The following TMEM63A variants were observed in gnomAD, a reference collection of about 807,000 sequenced individuals.
TMEM63A encodes transmembrane protein 63A, also known as mechanosensitive cation channel TMEM63A.
TMEM63A carries 76 observed loss-of-function variants against 100.6 expected under a neutral mutation model. That is an observed-to-expected ratio of 0.76 (90% CI 0.63 to 0.91). The LOEUF (loss-of-function observed/expected upper bound fraction) is 0.91, where lower values mean the gene tolerates loss of function less well. Ranked by LOEUF, TMEM63A falls within the 40% of genes least tolerant of loss-of-function variation. The probability of loss-of-function intolerance (pLI) is 0.00; values close to 1 mark genes in which losing one functional copy is unlikely to be tolerated. For synonymous variants in TMEM63A, 401 were observed against 401.1 expected, an observed-to-expected ratio of 1.00 and a Z score of 0.00; for missense variants, 876 against 1,008.8, an observed-to-expected ratio of 0.87 and a Z score of 1.78.
intron 9 of TMEM63A, 47 bp downstream of exon 9, chr1:225,866,527 C>T (rs755457394): frequency 6.4e-7 from 1 of 1,569,516 alleles, no homozygotes; most frequent in East Asian, 2.3e-5. Flanking sequence ...CTCCGACTCC[C>T]ACCTGAGTCC....
chr1:225,870,659 GTTAAATA>G (rs1670467770), intron 6 of TMEM63A, among the ~76,000 whole-genome samples: 1 of 152,204 alleles, frequency 6.6e-6, no homozygotes, highest in Admixed American at 6.5e-5. Flanking sequence ...TCTAATTGGT[GTTAAATA>G]TTAAGTTGAA....
chr1:225,856,928 C>CA lies in TMEM63A; in HGVS notation c.1466dup (p.Glu490GlyfsTer45), dbSNP rs1669652496. ...GCACTCACTTGGTCCAGTGAGACTCCAGCAGTGTAGAGTAGTAGACAATGG... is the reference window on the plus strand; with the variant it reads ...GCACTCACTTGGTCCAGTGAGACTCCAAGCAGTGTAGAGTAGTAGACAATGG... On this transcript the variant is annotated frameshift_variant, in exon 16 of 25. Coordinates refer to ENST00000366835, the MANE Select transcript of TMEM63A (RefSeq NM_014698.3). LOFTEE classifies it high-confidence loss of function. The CA allele has an allele frequency of 1.9e-6, 3 of 1,610,542 alleles. No individual in the cohort carries two copies. In the East Asian group the frequency reaches 6.7e-5, roughly 36 times the overall value.
chr1:225,879,517 T>C (rs1015426058), intron 1 of TMEM63A, 107 bp from the exon 2 acceptor site: 1 of 152,528 alleles, frequency 6.6e-6, no homozygotes, highest in Non-Finnish European at 1.5e-5. Context: ...GCTGCCCATA[T>C]GGACCTTTAG....
At position 225,866,605 on chromosome 1, in the gene TMEM63A, G is replaced by A. The variant is rs1385917532; in HGVS notation, c.644C>T (p.Thr215Ile). 6.2e-7 allele frequency: 1 copy of A among 1,613,980 alleles called. No homozygotes were observed. Among genetic ancestry groups the A allele is most frequent in the African/African-American group, 1.3e-5 (1 of 74,926 alleles). Residue 215 changes from threonine (T) to isoleucine (I), a missense_variant, in exon 9 of 25, where the codon ACT becomes ATT. By Grantham distance (89) the Thr-to-Ile change is moderately conservative. Coordinates refer to ENST00000366835, the MANE Select transcript of TMEM63A (RefSeq NM_014698.3). ...CTCCTCTTTGTACTTAATGGACTGAGTGTGGTGCCGCATGAAACCCACAGT... is the reference window on the plus strand; with the variant it reads ...CTCCTCTTTGTACTTAATGGACTGAATGTGGTGCCGCATGAAACCCACAGT... ...FLTVGFMRHH[T>I]QSIKYKEENL...
In TMEM63A at chr1:225,852,668, T is replaced by C. The variant is rs1669407782; in HGVS notation, c.1899A>G (p.Pro633=). The C allele has an allele frequency of 2.5e-6, 4 of 1,612,742 alleles. No individual in the cohort carries two copies. The Admixed American group carries it at 6.7e-5, about 27-fold the overall frequency. The change falls in exon 20 of 25, where the codon CCA becomes CCG. Residue 633 remains proline (P), a synonymous_variant. Coordinates refer to ENST00000366835, the MANE Select transcript of TMEM63A (RefSeq NM_014698.3). Reference sequence around the variant, plus strand: ...ACAGGCTCCAGGGCCACTCACCAAATGGCGCGATGATGGGACAAGTGATGC... The same window carrying C: ...ACAGGCTCCAGGGCCACTCACCAAACGGCGCGATGATGGGACAAGTGATGC... ...AYSITCPIIA[P]FGLIYILLKH... is the part of the protein sequence containing the mutation.
intron 18 of TMEM63A, among the ~76,000 whole-genome samples, chr1:225,854,416 G>A (rs1370619803): frequency 1.3e-5 from 2 of 152,120 alleles, no homozygotes; most frequent in Non-Finnish European, 2.9e-5. Context: ...TGTGATGGAG[G>A]TGGTGAGATA....
chr1:225,861,462 C>T (rs1669931231), intron 13 of TMEM63A: 1 of 153,782 alleles, frequency 6.5e-6, no homozygotes, highest in African/African-American at 2.4e-5. Context: ...CAACAGGTCA[C>T]AGCTTTTCCT....
intron 20 of TMEM63A, 90 bp from the exon 21 acceptor site, chr1:225,850,169 G>A: frequency 6.7e-7 from 1 of 1,495,722 alleles, no homozygotes; most frequent in South Asian, 1.3e-5. Context: ...ATTTTGGCAA[G>A]GAGCCAGGGC....
At chr1:225,852,132 C>T (rs577288680) in intron 20 of TMEM63A, among the ~76,000 whole-genome samples, 171 of 152,348 alleles carry the variant, frequency 1.1e-3, no homozygotes, top group Middle Eastern at 0.01. Context: ...GGGCAGAGAA[C>T]CTCAGACCAG....
At position 225,862,702 on chromosome 1, in the gene TMEM63A, T is replaced by C; in HGVS notation, c.827+69A>G. The C allele has an allele frequency of 6.2e-7, 1 of 1,610,508 alleles. No individual in the cohort carries two copies. The highest frequency in any genetic ancestry group is 8.5e-7 in the Non-Finnish European group (1 of 1,177,788). ...AGGGGTCCAGGGCCTCCCGCCTCCC[T>C]TCCTAGCTGGGAGATGCGAGGCCAG... On this transcript the variant is annotated intron_variant, in intron 11 of 24. Transcript: ENST00000366835. This position sits in a 1 kb window ranked among gnomAD's most constrained non-coding sequence, Gnocchi z 5.1.
intron 20 of TMEM63A, among the ~76,000 whole-genome samples, chr1:225,851,578 C>T (rs913258335): frequency 6.6e-6 from 1 of 152,086 alleles, no homozygotes. Context: ...TCATATTGGC[C>T]AGGTTGTTCT....
intron 17 of TMEM63A, 124 bp downstream of exon 17, chr1:225,856,528 G>A (rs1669624939): frequency 4.5e-6 from 4 of 884,618 alleles, no homozygotes; most frequent in African/African-American, 1.7e-5. Flanking sequence ...CCGAGTGGTT[G>A]CGACAGGCTT....
intron 14 of TMEM63A, chr1:225,859,887 T>C (rs570203378): frequency 5.0e-5 from 8 of 159,306 alleles, no homozygotes; most frequent in African/African-American, 1.9e-4. Context: ...GCTCAGGCAA[T>C]CCGCCTGCCT....
At chr1:225,844,410 G>A, downstream of TMEM63A, 2 of 1,605,014 alleles carry the variant, frequency 1.2e-6, no homozygotes, top group Admixed American at 1.7e-5. Context: ...CATGGGCAGG[G>A]CCTGGCATTT....
At chr1:225,843,414 CTCAT>C (rs1426336606), downstream of TMEM63A, among the ~76,000 whole-genome samples, 2 of 152,216 alleles carry the variant, frequency 1.3e-5, no homozygotes, top group African/African-American at 4.8e-5. Flanking sequence ...CAAAAGCAAA[CTCAT>C]TCCTGCAGGC....
intron 17 of TMEM63A, 117 bp from the exon 18 acceptor site, chr1:225,856,057 C>A: frequency 9.9e-7 from 1 of 1,009,660 alleles, no homozygotes; most frequent in Non-Finnish European, 1.5e-6. Flanking sequence ...GACTTTTGTT[C>A]TCAACGATGC....
intron 1 of TMEM63A, among the ~76,000 whole-genome samples, chr1:225,880,011 G>A (rs1044661383): frequency 6.6e-6 from 1 of 152,184 alleles, no homozygotes; most frequent in African/African-American, 2.4e-5. Flanking sequence ...CCTCTGCGGA[G>A]GGAAACACCT....
intron 5 of TMEM63A, chr1:225,871,758 A>C (rs145408553): frequency 1.4e-4 from 77 of 535,406 alleles, no homozygotes; most frequent in African/African-American, 1.3e-3. Flanking sequence ...GGGGAAGCCC[A>C]AGGGATTCCG....
chr1:225,844,517 C>T, downstream of TMEM63A: 1 of 1,614,184 alleles, frequency 6.2e-7, no homozygotes. Context: ...CCTGGACGAC[C>T]TGCTGACCAA....
Sources: gnomAD v4.1 joint callset for allele counts (sites outside exome capture counted in the v4.1 genomes callset) on GRCh38, gnomAD v4.1.1 for gene constraint, Gnocchi (gnomAD v3.1) non-coding constraint, MANE v1.5 for transcripts, NCBI Gene and HGNC (gene_info 2026-07-23, HGNC 2026-07-21) for gene names.